MYO15A: variants seen among roughly 807,000 people sequenced by gnomAD.
MYO15A encodes myosin XVA, also known as unconventional myosin-XV.
MYO15A carries 308 observed loss-of-function variants against 394.6 expected under a neutral mutation model. That is an observed-to-expected ratio of 0.78 (90% confidence interval 0.71 to 0.86). The LOEUF is 0.86. Ranked by LOEUF, MYO15A falls within the 40% of genes least tolerant of loss-of-function variation. The pLI is 0.00. For synonymous variants in MYO15A, 1,957 were observed against 2,003.8 expected (o/e 0.98, Z 0.62); for missense variants, 4,606 against 4,799.1 (o/e 0.96, Z 1.19).
At chr17:18,160,943 T>G in intron 56 of MYO15A, 1 of 384,514 alleles carries the variant, frequency 2.6e-6, no homozygotes, top group South Asian at 2.1e-5. Context: ...CTTGTCCTCC[T>G]GCTCCTCCCA....
In MYO15A at chr17:18,117,590, G is replaced by A. The variant is rs2045808297; in HGVS notation, c.-219-992G>A. Among the ~76,000 whole-genome samples, 1 of 152,208 alleles carries A rather than the reference G, an allele frequency of 6.6e-6. No individual in the cohort carries two copies. Among genetic ancestry groups the A allele is most frequent in the Admixed American group, 6.5e-5 (1 of 15,292 alleles). ...GAGGAGAGCTGGTTCTGAGGCTTCAGGTCTCAGAGCTGCCACTCCCCACCT... is the reference window on the plus strand; with the variant it reads ...GAGGAGAGCTGGTTCTGAGGCTTCAAGTCTCAGAGCTGCCACTCCCCACCT... On this transcript the variant is annotated intron_variant, in intron 1 of 65. Coordinates refer to ENST00000647165, the MANE Select transcript of MYO15A (RefSeq NM_016239.4). This position sits in a 1 kb window ranked among gnomAD's most constrained non-coding sequence, Gnocchi z 4.1.
intron 18 of MYO15A, 23 bp from the exon 19 acceptor site, chr17:18,139,511 C>G: frequency 6.2e-7 from 1 of 1,612,038 alleles, no homozygotes; most frequent in Non-Finnish European, 8.5e-7. Flanking sequence ...CAGGATTACC[C>G]AGGCCATTGT....
At chr17:18,175,082 T>C (rs995693594) in intron 65 of MYO15A, among the ~76,000 whole-genome samples, 1 of 144,020 alleles carries the variant, frequency 6.9e-6, no homozygotes, top group East Asian at 2.0e-4. Context: ...TCCTACCTCT[T>C]TTTTTTTTTT....
Position 18,142,813 on chromosome 17 carries a change from A to C in MYO15A, c.5883A>C (p.Ala1961=), listed in dbSNP as rs200247890. 49 of 1,613,340 alleles carry C rather than the reference A, an allele frequency of 3.0e-5. No individual in the cohort carries two copies. Among genetic ancestry groups the C allele is most frequent in the Non-Finnish European group, 4.1e-5 (48 of 1,179,894 alleles). ...SLVKFRSLVH[A]YVSRRRYLKL... ...TGAAGTTCCGGTCCCTGGTACACGC[A>C]TACGTGAGCCGCCGACGCTATCTCA... Residue 1961 remains alanine, a synonymous_variant, in exon 25 of 66, where the codon GCA becomes GCC. Transcript: ENST00000647165.
At chr17:18,158,692 C>T in intron 52 of MYO15A, 54 bp downstream of exon 52, 1 of 1,588,882 alleles carries the variant, frequency 6.3e-7, no homozygotes, top group Non-Finnish European at 8.6e-7. Flanking sequence ...GGGCTTCTTG[C>T]TGCCATCCAA....
rs1403596967 is a variant in MYO15A at position 18,166,301 on chromosome 17, G to GGTGCACACATGTGT, written c.9788-48_9788-35dup. 7.9e-5 allele frequency: 125 copies of GGTGCACACATGTGT among 1,588,906 alleles called. No individual in the cohort carries two copies. The East Asian group carries it at 1.1e-3, about 14-fold the overall frequency. On this transcript the variant is annotated intron_variant, in intron 60 of 65. Coordinates refer to ENST00000647165, the MANE Select transcript of MYO15A (RefSeq NM_016239.4). Reference sequence around the variant, plus strand: ...GGGGTCTGCACACATGCTCTGTACAGGTGCACACATGTGTGTGCACACATG... The same window carrying GGTGCACACATGTGT: ...GGGGTCTGCACACATGCTCTGTACAGGTGCACACATGTGTGTGCACACATGTGTGTGCACACATG...
Position 18,147,994 on chromosome 17 carries a change from C to A in MYO15A, c.6510-35C>A, listed in dbSNP as rs764509323. On this transcript the variant is annotated intron_variant, in intron 30 of 65. Coordinates refer to ENST00000647165, the MANE Select transcript of MYO15A (RefSeq NM_016239.4). The surrounding 1 kb of genome is among the most constrained non-coding windows in gnomAD (Gnocchi z 4.4). ...CCTCAGCCCCAAGCTAGCTTCAGAT[C>A]CTTCTTGATCCTGGCTCCAACTCCT... 6.2e-7 allele frequency: 1 copy of A among 1,613,540 alleles called. No individual in the cohort carries two copies. The highest frequency in any genetic ancestry group is 2.2e-5 in the East Asian group (1 of 44,870).
Position 18,120,166 on chromosome 17 carries a change from G to T in MYO15A, c.1366G>T (p.Ala456Ser). 6.2e-7 allele frequency: 1 copy of T among 1,612,844 alleles called. No individual in the cohort carries two copies. Among genetic ancestry groups the T allele is most frequent in the Non-Finnish European group, 8.5e-7 (1 of 1,179,984 alleles). ...GACCTCCTTCCGCCTGCCCAGCGCC[G>T]CCTTCTTCGAGCAGCAAGGCATGGA... ...QGTSFRLPSA[A>S]FFEQQGMDKP... is the part of the protein sequence containing the mutation. The change falls in exon 2 of 66, where the codon GCC becomes TCC. Residue 456 changes from alanine to serine, a missense_variant. Transcript: ENST00000647165.
Position 18,140,536 on chromosome 17 carries a change from C to T in MYO15A, c.5231C>T (p.Ser1744Phe). Reference protein sequence around the residue: ...SRTRVVAHLFSSHAPQAAPQR... With the variant: ...SRTRVVAHLFFSHAPQAAPQR... ...GCCCAGGTGGTGGCACACCTCTTCTCCAGCCATGCCCCACAGGCTGCCCCT... is the reference window on the plus strand; with the variant it reads ...GCCCAGGTGGTGGCACACCTCTTCTTCAGCCATGCCCCACAGGCTGCCCCT... Residue 1744 changes from serine (S) to phenylalanine (F), a missense_variant, in exon 20 of 66, where the codon TCC (serine) becomes TTC (phenylalanine). Physicochemically the swap from Ser to Phe is radical, Grantham distance 155 (BLOSUM62 -2). Transcript: ENST00000647165. 6.2e-7 allele frequency: 1 copy of T among 1,613,694 alleles called. No homozygotes were observed. The highest frequency in any genetic ancestry group is 1.1e-5 in the South Asian group (1 of 91,084).
chr17:18,121,169 C>A lies in MYO15A; in HGVS notation c.2369C>A (p.Ser790Ter). 6.6e-7 allele frequency: 1 copy of A among 1,517,808 alleles called. No homozygotes were observed. The highest frequency in any genetic ancestry group is 8.8e-7 in the Non-Finnish European group (1 of 1,140,158). 94.0% of individuals were successfully genotyped at this position (1,517,808 alleles called of 1,614,324 possible). A position where few individuals can be genotyped will look rare whatever the true frequency, so the allele number is the denominator to read the frequency against. ...AGCTCGCCGGGCCTCGGCTACTGCT[C>A]ACCCTTGGCGCCCCCGTCGCCTCAG... ...LRSSPGLGYCSPLAPPSPQLS... is the reference protein window; with the variant it reads ...LRSSPGLGYC The change falls in exon 2 of 66, where the codon TCA (serine) becomes TAA (stop). Residue 790 changes from serine (S) to a stop codon, truncating the protein, a stop_gained. Transcript: ENST00000647165. LOFTEE classifies it high-confidence loss of function. The surrounding 1 kb of genome is among the most constrained non-coding windows in gnomAD (Gnocchi z 5.3).
chr17:18,111,664 G>C (rs1018450286), intron 1 of MYO15A, among the ~76,000 whole-genome samples: 2 of 152,222 alleles, frequency 1.3e-5, no homozygotes, highest in African/African-American at 4.8e-5. Flanking sequence ...CCAGAGACCA[G>C]GAGGGATCAG....
intron 65 of MYO15A, among the ~76,000 whole-genome samples, chr17:18,175,034 C>T (rs2046994619): frequency 6.6e-6 from 1 of 151,938 alleles, no homozygotes; most frequent in Non-Finnish European, 1.5e-5. Flanking sequence ...TTCCCAGAGG[C>T]CACCTCCCTG....
At chr17:18,168,690 G>A (rs2046891625) in intron 62 of MYO15A, among the ~76,000 whole-genome samples, 2 of 152,144 alleles carry the variant, frequency 1.3e-5, no homozygotes, top group South Asian at 4.1e-4. Context: ...ACAGGCATGA[G>A]CCACCCTGGC....
Position 18,173,954 on chromosome 17 carries a change from A to G in MYO15A, c.10491+33A>G, listed in dbSNP as rs375920037. ...CAGCGCTAAGTCCAACATTCCACTC[A>G]CTGGGCCCTTCTCTGGGCCTGGCTC... On this transcript the variant is annotated intron_variant, in intron 65 of 65. Transcript: ENST00000647165. The G allele has an allele frequency of 2.5e-6, 4 of 1,605,934 alleles. No individual in the cohort carries two copies. In the African/African-American group the frequency reaches 5.4e-5, roughly 22 times the overall value.
Position 18,117,912 on chromosome 17 carries a change from G to T in MYO15A, c.-219-670G>T, listed in dbSNP as rs2045813220. On this transcript the variant is annotated intron_variant, in intron 1 of 65. Coordinates refer to ENST00000647165, the MANE Select transcript of MYO15A (RefSeq NM_016239.4). This position sits in a 1 kb window ranked among gnomAD's most constrained non-coding sequence, Gnocchi z 4.1. ...GCTTCCTTTTGGTGAAGGAGATGGG[G>T]CATAGCTTATCACTCCCATTCTTCA... is the stretch of plus-strand genomic sequence containing the variant. Among the ~76,000 whole-genome samples, 1 of 152,152 alleles carries T rather than the reference G, an allele frequency of 6.6e-6. No individual in the cohort carries two copies. Among genetic ancestry groups the T allele is most frequent in the Admixed American group, 6.5e-5 (1 of 15,276 alleles).
At chr17:18,129,299 TTATG>T (rs1402420506) in intron 7 of MYO15A, among the ~76,000 whole-genome samples, 1 of 152,162 alleles carries the variant, frequency 6.6e-6, no homozygotes, top group Non-Finnish European at 1.5e-5. Context: ...TCCGCTGGCT[TTATG>T]CCCTGCTGTA....
At chr17:18,135,327 C>T (rs549551308) in intron 12 of MYO15A, among the ~76,000 whole-genome samples, 13 of 152,096 alleles carry the variant, frequency 8.5e-5, no homozygotes, top group African/African-American at 1.9e-4. Flanking sequence ...CCCGCCACCA[C>T]GCGTGGCTAT....
chr17:18,124,847 G>A, intron 3 of MYO15A: 1 of 586,152 alleles, frequency 1.7e-6, no homozygotes, highest in Non-Finnish European at 3.0e-6. Context: ...GATGGCTGTT[G>A]TGAGGATGCC....
Position 18,172,997 on chromosome 17 carries a change from G to A in MYO15A, c.10350+707G>A, listed in dbSNP as rs537081621. ...TGCGACAGGGATTCCAGGGCAAGTG[G>A]TTGATTTAGAGTTGATTCCAGGAAA... is the stretch of plus-strand genomic sequence containing the variant. On this transcript the variant is annotated intron_variant, in intron 64 of 65. Coordinates refer to ENST00000647165, the MANE Select transcript of MYO15A (RefSeq NM_016239.4). Among the ~76,000 whole-genome samples the A allele has an allele frequency of 1.6e-4, 25 of 152,312 alleles. 1 individual carries two copies. The South Asian group carries it at 5.2e-3, about 32-fold the overall frequency.
Sources: gnomAD v4.1 joint callset for allele counts (sites outside exome capture counted in the v4.1 genomes callset) on GRCh38, gnomAD v4.1.1 for gene constraint, Gnocchi (gnomAD v3.1) non-coding constraint, MANE v1.5 for transcripts, NCBI Gene and HGNC (gene_info 2026-07-23, HGNC 2026-07-21) for gene names.